The following MINDY3 variants were observed in gnomAD, a reference collection of about 807,000 sequenced individuals.
The protein encoded by MINDY3 is ubiquitin carboxyl-terminal hydrolase MINDY-3.
A neutral mutation model predicts 69.2 loss-of-function variants in MINDY3; 38 were observed. The ratio of observed to expected loss-of-function variants is 0.55; its 90% CI spans 0.42 to 0.72. The LOEUF (loss-of-function observed/expected upper bound fraction) is 0.72, where lower values mean the gene tolerates loss of function less well. Among genes scored for constraint, MINDY3 ranks in the 30% least tolerant of loss-of-function variants. MINDY3 has a pLI of 0.00. For synonymous variants in MINDY3, 192 were observed against 180.1 expected (o/e 1.07, Z -0.53); for missense variants, 522 against 519.0 (o/e 1.01, Z -0.06).
chr10:15,809,590 C>T (rs1343735782), intron 10 of MINDY3, among the ~76,000 whole-genome samples: 2 of 152,058 alleles, frequency 1.3e-5, no homozygotes, highest in African/African-American at 2.4e-5. Context: ...AATTAAGTTT[C>T]CCTCTTTGAA....
intron 8 of MINDY3, among the ~76,000 whole-genome samples, chr10:15,832,088 G>C (rs188757036): frequency 6.6e-6 from 1 of 152,290 alleles, no homozygotes; most frequent in Admixed American, 6.5e-5. Context: ...AGGCAGAAGA[G>C]TATTCTGGTT....
intron 13 of MINDY3, 97 bp from the exon 14 acceptor site, chr10:15,782,323 TC>T: frequency 2.4e-6 from 2 of 827,690 alleles, no homozygotes; most frequent in Middle Eastern, 3.6e-4. Context: ...CAAATCCTTA[TC>T]CTTTGACTGG....
intron 10 of MINDY3, among the ~76,000 whole-genome samples, chr10:15,800,003 T>C (rs1222266154): frequency 6.6e-6 from 1 of 152,038 alleles, no homozygotes; most frequent in African/African-American, 2.4e-5. Flanking sequence ...AAGAAGCGAG[T>C]ACAGTTGATC....
At chr10:15,821,394 C>T (rs1216638871) in intron 9 of MINDY3, among the ~76,000 whole-genome samples, 6 of 152,118 alleles carry the variant, frequency 3.9e-5, no homozygotes, top group Non-Finnish European at 8.8e-5. Flanking sequence ...ATGTCTGTGG[C>T]TTTTTTGAAT....
At chr10:15,808,921 TC>T (rs1483599304) in intron 10 of MINDY3, among the ~76,000 whole-genome samples, 16 of 152,150 alleles carry the variant, frequency 1.1e-4, no homozygotes, top group Admixed American at 2.6e-4. Flanking sequence ...TTATACTGGA[TC>T]AACAGCTGTC....
At chr10:15,817,724 C>G (rs571737089) in intron 9 of MINDY3, 30 of 152,128 alleles carry the variant, frequency 2.0e-4, no homozygotes, top group African/African-American at 7.0e-4. Flanking sequence ...CTGCATTTTC[C>G]TTTTTCTTAC....
chr10:15,803,882 G>T (rs1415293369), intron 10 of MINDY3, among the ~76,000 whole-genome samples: 1 of 152,102 alleles, frequency 6.6e-6, no homozygotes, highest in Admixed American at 6.6e-5. Flanking sequence ...GGATTCCAAG[G>T]TCAGCAAATA....
intron 11 of MINDY3, 118 bp from the exon 12 acceptor site, chr10:15,789,437 C>T: frequency 1.5e-6 from 1 of 669,714 alleles, no homozygotes; most frequent in Non-Finnish European, 2.5e-6. Context: ...AGTTAACATA[C>T]TATTCCTTAA....
At chr10:15,814,751 T>A (rs1839240345) in intron 10 of MINDY3, among the ~76,000 whole-genome samples, 1 of 152,054 alleles carries the variant, frequency 6.6e-6, no homozygotes, top group Non-Finnish European at 1.5e-5. Flanking sequence ...GTTTGACACA[T>A]GCGACAGCAC....
chr10:15,820,486 A>G (rs932809837), intron 9 of MINDY3, among the ~76,000 whole-genome samples: 1 of 151,998 alleles, frequency 6.6e-6, no homozygotes, highest in African/African-American at 2.4e-5. Flanking sequence ...TTTCTTTAGG[A>G]TCTACGAATG....
At chr10:15,847,594 G>A (rs1160127217) in intron 2 of MINDY3, among the ~76,000 whole-genome samples, 2 of 152,054 alleles carry the variant, frequency 1.3e-5, no homozygotes, top group African/African-American at 2.4e-5. Context: ...TGTTAAAGAA[G>A]TCAAGAAACT....
At chr10:15,791,375 C>G (rs556368096) in intron 11 of MINDY3, among the ~76,000 whole-genome samples, 2 of 151,698 alleles carry the variant, frequency 1.3e-5, no homozygotes, top group Non-Finnish European at 2.9e-5. Context: ...AACAGAGGCA[C>G]AAAGATGAAA....
chr10:15,833,823 A>T (rs1832897363), intron 7 of MINDY3, 114 bp from the exon 8 acceptor site: 2 of 718,018 alleles, frequency 2.8e-6, no homozygotes, highest in African/African-American at 1.8e-5. Context: ...AAGAATTTAC[A>T]AAGTTAGGGA....
chr10:15,802,534 C>A (rs1260832112), intron 10 of MINDY3, among the ~76,000 whole-genome samples: 1 of 152,062 alleles, frequency 6.6e-6, no homozygotes, highest in Non-Finnish European at 1.5e-5. Context: ...TCGCCTCCCA[C>A]CAGGTCCCTC....
At chr10:15,844,627 T>C (rs10904632) in intron 2 of MINDY3, among the ~76,000 whole-genome samples, 94,514 of 152,002 alleles carry the variant, frequency 0.62, 31,929 homozygotes, top group African/African-American at 0.9. Flanking sequence ...TAAGCTCCTT[T>C]TTAAATACAA....
intron 13 of MINDY3, among the ~76,000 whole-genome samples, chr10:15,784,352 C>T (rs1384818138): frequency 6.6e-6 from 1 of 152,164 alleles, no homozygotes; most frequent in Non-Finnish European, 1.5e-5. Flanking sequence ...TTCCACAGGA[C>T]CTACTTGAAG....
intron 4 of MINDY3, among the ~76,000 whole-genome samples, chr10:15,838,983 A>G (rs1463574040): frequency 6.6e-6 from 1 of 151,670 alleles, no homozygotes; most frequent in African/African-American, 2.4e-5. Context: ...GAGGAACCTG[A>G]GGCACACAGA....
chr10:15,815,284 G>A (rs1839277485), intron 10 of MINDY3, among the ~76,000 whole-genome samples: 1 of 152,182 alleles, frequency 6.6e-6, no homozygotes, highest in South Asian at 2.1e-4. Context: ...CAATGTATCA[G>A]TAACTCTGTA....
intron 10 of MINDY3, among the ~76,000 whole-genome samples, chr10:15,805,602 C>T (rs898382603): frequency 6.6e-6 from 1 of 152,238 alleles, no homozygotes; most frequent in Middle Eastern, 3.4e-3. Flanking sequence ...CTGTCTGTTG[C>T]TAAGTGACCT....
Sources: allele counts gnomAD v4.1 joint callset (sites outside exome capture counted in the v4.1 genomes callset), GRCh38; gene constraint gnomAD v4.1.1; transcripts MANE v1.5; gene names NCBI Gene and HGNC (gene_info 2026-07-23, HGNC 2026-07-21).